Variants in SOS1 observed in about 807,000 individuals in gnomAD.
SOS1 encodes the protein SOS Ras/Rac guanine nucleotide exchange factor 1.
In SOS1, 25 loss-of-function variants were observed where a neutral mutation model predicts 157.6. That is an observed-to-expected ratio of 0.16 (90% CI 0.12 to 0.22). SOS1 has a LOEUF of 0.22. SOS1 is among the 10% of genes least tolerant of loss of function. SOS1 has a pLI of 1.00. For synonymous variants in SOS1, 528 were observed against 534.0 expected (o/e 0.99, Z 0.16); for missense variants, 1,237 against 1,599.1 (o/e 0.77, Z 3.86).
chr2:39,100,465 A>G (rs962368264), intron 1 of SOS1, among the ~76,000 whole-genome samples: 5 of 152,254 alleles, frequency 3.3e-5, no homozygotes, highest in African/African-American at 9.6e-5. Context: ...ACACAATGGA[A>G]TATCATTCAG....
Position 38,983,204 on chromosome 2 carries a change from G to A in SOS1, c.*2620C>T, listed in dbSNP as rs752175888. 6.6e-6 allele frequency: 1 copy of A among 152,096 alleles called. No homozygotes were observed. 9.4% of individuals were successfully genotyped at this position (152,096 alleles called of 1,614,324 possible). A position where few individuals can be genotyped will look rare whatever the true frequency, so the allele number is the denominator to read the frequency against. On this transcript the variant is annotated 3_prime_UTR_variant, in exon 23 of 23. Coordinates refer to ENST00000402219, the MANE Select transcript of SOS1 (RefSeq NM_005633.4). Reference sequence around the variant, plus strand: ...GGATTCAAAAGCAGAATTTTGTAATGATGCATTTATCTCCTCAGCCATTTC... The same window carrying A: ...GGATTCAAAAGCAGAATTTTGTAATAATGCATTTATCTCCTCAGCCATTTC...
At chr2:39,112,330 C>T (rs1467128446) in intron 1 of SOS1, among the ~76,000 whole-genome samples, 2 of 152,080 alleles carry the variant, frequency 1.3e-5, no homozygotes, top group Non-Finnish European at 2.9e-5. Context: ...TGAGCAATTC[C>T]TCTCTCTCCC....
intron 4 of SOS1, among the ~76,000 whole-genome samples, chr2:39,055,412 C>T (rs1458846463): frequency 6.6e-6 from 1 of 152,082 alleles, no homozygotes; most frequent in Admixed American, 6.5e-5. Context: ...ATACCTTCAT[C>T]AACTCTGGAG....
chr2:39,110,695 A>G (rs1183258918), intron 1 of SOS1, among the ~76,000 whole-genome samples: 2 of 152,270 alleles, frequency 1.3e-5, no homozygotes, highest in East Asian at 1.9e-4. Context: ...TATGAAAGCT[A>G]CAAGTATAAA....
At chr2:39,044,877 C>CACACAA (rs778824875) in intron 6 of SOS1, among the ~76,000 whole-genome samples, 13 of 151,928 alleles carry the variant, frequency 8.6e-5, no homozygotes, top group Non-Finnish European at 1.3e-4. Context: ...CACACACACA[C>CACACAA]ACACTCTGTT....
intron 1 of SOS1, among the ~76,000 whole-genome samples, chr2:39,075,173 G>C (rs899637208): frequency 6.6e-6 from 1 of 152,138 alleles, no homozygotes; most frequent in African/African-American, 2.4e-5. Context: ...CATAAGAAGA[G>C]AGATTGAAGA....
chr2:38,995,088 A>C (rs1463633471), intron 20 of SOS1, 35 bp downstream of exon 20: 1 of 1,594,804 alleles, frequency 6.3e-7, no homozygotes, highest in Non-Finnish European at 8.6e-7. Flanking sequence ...TAGTACTAAC[A>C]AATACCTTAA....
chr2:38,986,306 T>G lies in SOS1; in HGVS notation c.3520A>C (p.Lys1174Gln), dbSNP rs774526240. 1.9e-6 allele frequency: 3 copies of G among 1,612,248 alleles called. No individual in the cohort carries two copies. Among genetic ancestry groups the G allele is most frequent in the South Asian group, 2.2e-5 (2 of 91,036 alleles). ...ATGGCTGGGGGACTGTCCAAATGCT[T>G]AGACATAATCTAACAAATGAAAAGA... ...AESSPSKIMS[K>Q]HLDSPPAIPP... Residue 1174 changes from lysine to glutamine, a missense_variant, in exon 23 of 23, where the codon AAG becomes CAG. Physicochemically the swap from Lys to Gln is moderately conservative, Grantham distance 53. Transcript: ENST00000402219.
At position 39,120,971 on chromosome 2, in the gene SOS1, GC is replaced by G. The variant is rs1673862379; in HGVS notation, c.-550del. 1 of 174,814 alleles carries G rather than the reference GC, an allele frequency of 5.7e-6. No individual in the cohort carries two copies. The highest frequency in any genetic ancestry group is 2.4e-5 in the African/African-American group (1 of 41,484). The allele number at this position is 174,814 out of a possible 1,614,324, so 10.8% of individuals were successfully genotyped here. A position where few individuals can be genotyped will look rare whatever the true frequency, so the allele number is the denominator to read the frequency against. On this transcript the variant is annotated 5_prime_UTR_variant, in exon 1 of 23. Coordinates refer to ENST00000402219, the MANE Select transcript of SOS1 (RefSeq NM_005633.4). ...TTGGGGAATCTGGCTGCCCTGAGGT[GC>G]CGCCGCGGCCGCCGCCGCCACCGCC...
intron 6 of SOS1, among the ~76,000 whole-genome samples, chr2:39,042,291 G>T (rs1056037420): frequency 6.6e-6 from 1 of 152,112 alleles, no homozygotes; most frequent in Non-Finnish European, 1.5e-5. Flanking sequence ...TAAATTTGTA[G>T]ATTATCTGGG....
intron 1 of SOS1, among the ~76,000 whole-genome samples, chr2:39,073,061 C>G (rs1361667461): frequency 6.6e-6 from 1 of 152,206 alleles, no homozygotes; most frequent in East Asian, 1.9e-4. Flanking sequence ...AATAAACACA[C>G]TTCTATTCCA....
At chr2:39,015,441 AAT>A (rs1230019462) in intron 10 of SOS1, among the ~76,000 whole-genome samples, 1 of 152,070 alleles carries the variant, frequency 6.6e-6, no homozygotes, top group African/African-American at 2.4e-5. Flanking sequence ...AATGTGATAG[AAT>A]ATGTTGGTTT....
chr2:39,009,978 A>G (rs929883034), intron 15 of SOS1, among the ~76,000 whole-genome samples: 2 of 152,212 alleles, frequency 1.3e-5, no homozygotes, highest in Non-Finnish European at 2.9e-5. Flanking sequence ...ACTCAATGCA[A>G]AAGAAAGGAG....
In SOS1 at chr2:39,055,747, A is replaced by C. The variant is rs142826932; in HGVS notation, c.511-924T>G. ...TCAGAAAACATTTTCCTTTCTGCAA[A>C]GTTGTTTTCATAAAGTGAACATCCT... On this transcript the variant is annotated intron_variant, in intron 4 of 22. Coordinates refer to ENST00000402219, the MANE Select transcript of SOS1 (RefSeq NM_005633.4). Among the ~76,000 whole-genome samples, 1,193 of 152,322 alleles carry C rather than the reference A, an allele frequency of 7.8e-3. 7 individuals are homozygous for C. Among genetic ancestry groups the C allele is most frequent in the Middle Eastern group, 0.014 (4 of 294 alleles).
rs3085353 is a variant in SOS1, at chr2:38,988,945, C to CTTTTT, written c.3391+320_3391+324dup. Reference sequence around the variant, plus strand: ...CCCATATGCGCATGCATGCTCTTGCCTTTTTTTTTTTTTCAAAGTTGAGCA... The same window carrying CTTTTT: ...CCCATATGCGCATGCATGCTCTTGCCTTTTTTTTTTTTTTTTTTCAAAGTTGAGCA... On this transcript the variant is annotated intron_variant, in intron 21 of 22. Transcript: ENST00000402219. Among the ~76,000 whole-genome samples, 19 of 142,002 alleles carry CTTTTT rather than the reference C, an allele frequency of 1.3e-4. 1 individual carries two copies. Among genetic ancestry groups the CTTTTT allele is most frequent in the East Asian group, 2.0e-4 (1 of 4,956 alleles). 93.2% of individuals were successfully genotyped at this position (142,002 alleles called of 152,430 possible).
intron 6 of SOS1, among the ~76,000 whole-genome samples, chr2:39,040,201 T>G (rs924259972): frequency 2.0e-5 from 3 of 151,804 alleles, no homozygotes; most frequent in African/African-American, 7.3e-5. Flanking sequence ...TATTTTTTAG[T>G]AGAGATGGCG....
intron 10 of SOS1, among the ~76,000 whole-genome samples, chr2:39,020,675 C>T (rs1164923967): frequency 2.6e-5 from 4 of 151,720 alleles, no homozygotes; most frequent in Non-Finnish European, 4.4e-5. Context: ...TTCAGTTTTA[C>T]AAGTTCACAG....
chr2:39,010,896 C>CTTCTTTTTT (rs70954776), intron 14 of SOS1, among the ~76,000 whole-genome samples, 193 bp from the exon 15 acceptor site: 1 of 132,914 alleles, frequency 7.5e-6, no homozygotes, highest in Non-Finnish European at 1.5e-5. Context: ...TTTTTTTAAA[C>CTTCTTTTTT]TTTTTTTTTT....
At chr2:39,057,949 C>T (rs1009917778) in intron 3 of SOS1, among the ~76,000 whole-genome samples, 6 of 152,000 alleles carry the variant, frequency 3.9e-5, no homozygotes, top group African/African-American at 1.2e-4. Flanking sequence ...TCACTTTCTG[C>T]CTCTGTCACC....
Sources: gnomAD v4.1 joint callset for allele counts (sites outside exome capture counted in the v4.1 genomes callset) on GRCh38, gnomAD v4.1.1 for gene constraint, MANE v1.5 for transcripts, NCBI Gene and HGNC (gene_info 2026-07-23, HGNC 2026-07-21) for gene names.